The following IQCH variants were observed in gnomAD, a reference collection of about 807,000 sequenced individuals.
IQCH encodes the protein IQ motif containing H, also known as IQ domain-containing protein H.
A neutral mutation model predicts 117.0 loss-of-function variants in IQCH; 98 were observed. The ratio of observed to expected loss-of-function variants is 0.84; its 90% confidence interval spans 0.71 to 0.99. IQCH has a LOEUF of 0.99. IQCH is among the 50% of genes least tolerant of loss of function. IQCH has a pLI of 0.00. For synonymous variants in IQCH, 412 were observed against 448.2 expected, an observed-to-expected ratio of 0.92 and a Z score of 1.02; for missense variants, 1,102 against 1,243.8, an observed-to-expected ratio of 0.89 and a Z score of 1.72.
intron 13 of IQCH, among the ~76,000 whole-genome samples, chr15:67,397,140 T>G (rs1369648036): frequency 6.6e-6 from 1 of 152,246 alleles, no homozygotes; most frequent in Non-Finnish European, 1.5e-5. Context: ...TTAAATTATA[T>G]TATTACACAC....
chr15:67,477,010 G>T (rs1455490010), intron 18 of IQCH, among the ~76,000 whole-genome samples: 1 of 149,326 alleles, frequency 6.7e-6, no homozygotes, highest in Non-Finnish European at 1.5e-5. Context: ...AATTTTCAAG[G>T]ATCAAATTTT....
At chr15:67,321,436 TTTC>T (rs1230946377) in intron 4 of IQCH, among the ~76,000 whole-genome samples, 5 of 151,712 alleles carry the variant, frequency 3.3e-5, no homozygotes, top group Non-Finnish European at 5.9e-5. Flanking sequence ...CCTTCCTTCT[TTTC>T]TTTTCTTTCT....
intron 1 of IQCH, among the ~76,000 whole-genome samples, chr15:67,258,235 A>C (rs1965307174): frequency 7.1e-6 from 1 of 139,926 alleles, no homozygotes. Context: ...ACTCTGTGTC[A>C]AAAAAAAAAA....
At chr15:67,304,182 T>C (rs912391748) in intron 4 of IQCH, among the ~76,000 whole-genome samples, 7 of 152,190 alleles carry the variant, frequency 4.6e-5, no homozygotes, top group African/African-American at 7.2e-5. Flanking sequence ...AGGGACTGAT[T>C]AGCAGCCTAA....
In IQCH at chr15:67,393,581, C is replaced by A. The variant is rs187683529; in HGVS notation, c.1633-1710C>A. ...TGTCACCCAGGCTGGAGTGCAGTGGCATGATCTCGGTTCACTGCAGCCTTG... is the reference window on the plus strand; with the variant it reads ...TGTCACCCAGGCTGGAGTGCAGTGGAATGATCTCGGTTCACTGCAGCCTTG... On this transcript the variant is annotated intron_variant, in intron 12 of 20. Coordinates refer to ENST00000335894, the MANE Select transcript of IQCH (RefSeq NM_001031715.3). The surrounding 1 kb of genome is among the most constrained non-coding windows in gnomAD (Gnocchi z 5.5). Among the ~76,000 whole-genome samples the A allele has an allele frequency of 1.3e-5, 2 of 152,208 alleles. No homozygotes were observed. Among genetic ancestry groups the A allele is most frequent in the Admixed American group, 6.5e-5 (1 of 15,288 alleles).
chr15:67,498,920 C>T (rs2083900760), intron 20 of IQCH, among the ~76,000 whole-genome samples: 1 of 152,172 alleles, frequency 6.6e-6, no homozygotes, highest in Non-Finnish European at 1.5e-5. Flanking sequence ...ACAAAGTACT[C>T]TTGTACTCTT....
intron 16 of IQCH, among the ~76,000 whole-genome samples, chr15:67,452,566 G>C (rs1483441406): frequency 6.6e-6 from 1 of 152,232 alleles, no homozygotes; most frequent in Non-Finnish European, 1.5e-5. Context: ...ACTCTCTTCT[G>C]GCTTGTAGAG....
intron 1 of IQCH, 102 bp downstream of exon 1, chr15:67,255,049 C>G (rs952758190): frequency 2.7e-6 from 3 of 1,121,970 alleles, no homozygotes; most frequent in Non-Finnish European, 2.7e-6. Flanking sequence ...TGGTGCGCCG[C>G]CCCTAGACTC....
At chr15:67,308,710 G>A (rs181598162) in intron 4 of IQCH, among the ~76,000 whole-genome samples, 1 of 151,980 alleles carries the variant, frequency 6.6e-6, no homozygotes, top group African/African-American at 2.4e-5. Context: ...AGGTGGTAGT[G>A]TATTGCCTTT....
Position 67,463,692 on chromosome 15 carries a change from A to G in IQCH, c.2506-1435A>G, listed in dbSNP as rs2082858429. On this transcript the variant is annotated intron_variant, in intron 16 of 20. Transcript: ENST00000335894. The surrounding 1 kb of genome is among the most constrained non-coding windows in gnomAD (Gnocchi z 4.0). Reference sequence around the variant, plus strand: ...GTTGCTTGTTTAAAGCTCAAAGGTCACCTTCATGATGCAGCCCTGATTTCA... The same window carrying G: ...GTTGCTTGTTTAAAGCTCAAAGGTCGCCTTCATGATGCAGCCCTGATTTCA... 6.6e-6 allele frequency among the ~76,000 whole-genome samples: 1 copy of G among 152,190 alleles called. No individual in the cohort carries two copies. Among genetic ancestry groups the G allele is most frequent in the Admixed American group, 6.5e-5 (1 of 15,274 alleles).
chr15:67,338,930 C>T (rs1350878947), intron 5 of IQCH, among the ~76,000 whole-genome samples: 2 of 152,158 alleles, frequency 1.3e-5, no homozygotes, highest in Non-Finnish European at 2.9e-5. Context: ...AGGCCAAGCA[C>T]ATTTGCAGAT....
intron 4 of IQCH, among the ~76,000 whole-genome samples, chr15:67,305,584 C>T (rs1241286570): frequency 3.3e-5 from 5 of 152,106 alleles, no homozygotes; most frequent in Admixed American, 6.6e-5. Context: ...TCTCTGGCAA[C>T]ACAGACAGAA....
rs547775525 is a variant in IQCH, at chr15:67,450,818, C to T, written c.2506-14309C>T. Among the ~76,000 whole-genome samples the T allele has an allele frequency of 4.0e-3, 605 of 151,784 alleles. 3 individuals carry two copies. Among genetic ancestry groups the T allele is most frequent in the African/African-American group, 0.014 (583 of 41,426 alleles). The stretch of plus-strand genomic sequence containing the variant: ...GAATGGTACCAGCTCCTCTTTGTAC[C>T]GCTGGTAGAATTCGGCTGTGAATCC... On this transcript the variant is annotated intron_variant, in intron 16 of 20. Coordinates refer to ENST00000335894, the MANE Select transcript of IQCH (RefSeq NM_001031715.3).
At chr15:67,260,950 G>T (rs1318620550) in intron 1 of IQCH, among the ~76,000 whole-genome samples, 1 of 152,020 alleles carries the variant, frequency 6.6e-6, no homozygotes, top group African/African-American at 2.4e-5. Flanking sequence ...ACAAAAATTA[G>T]CCGGGTGTGG....
Position 67,366,084 on chromosome 15 carries a change from G to A in IQCH, c.754-6027G>A, listed in dbSNP as rs1970322685. 6.6e-6 allele frequency among the ~76,000 whole-genome samples: 1 copy of A among 152,192 alleles called. No individual in the cohort carries two copies. Among genetic ancestry groups the A allele is most frequent in the South Asian group, 2.1e-4 (1 of 4,830 alleles). On this transcript the variant is annotated intron_variant, in intron 8 of 20. Transcript: ENST00000335894. This position sits in a 1 kb window ranked among gnomAD's most constrained non-coding sequence, Gnocchi z 4.4. ...ATGGAATGTCAAGCTTTACTTTGGT[G>A]ATAATAGCAGTCCTTTTTGAGGCTT... is the stretch of plus-strand genomic sequence containing the variant.
In IQCH at chr15:67,426,893, G is replaced by C. The variant is rs185571648; in HGVS notation, c.2505+5316G>C. ...TCCAGCTATTTGAGAGGCTGAGGTA[G>C]GAGGATTGCTTGGGCCCGGGAGGTC... On this transcript the variant is annotated intron_variant, in intron 16 of 20. Coordinates refer to ENST00000335894, the MANE Select transcript of IQCH (RefSeq NM_001031715.3). This position sits in a 1 kb window ranked among gnomAD's most constrained non-coding sequence, Gnocchi z 5.1. Among the ~76,000 whole-genome samples, 1 of 152,062 alleles carries C rather than the reference G, an allele frequency of 6.6e-6. No homozygotes were observed. Among genetic ancestry groups the C allele is most frequent in the East Asian group, 1.9e-4 (1 of 5,158 alleles).
chr15:67,307,120 A>C, intron 4 of IQCH: 1 of 1,141,106 alleles, frequency 8.8e-7, no homozygotes, highest in Admixed American at 4.6e-5. Flanking sequence ...CCTAGAAAAA[A>C]ATCATAAAAA....
rs2081436285 is a variant in IQCH at position 67,411,030 on chromosome 15, C to T, written c.2098-5901C>T. 6.6e-6 allele frequency among the ~76,000 whole-genome samples: 1 copy of T among 152,192 alleles called. No homozygotes were observed. The highest frequency in any genetic ancestry group is 2.1e-4 in the South Asian group (1 of 4,820). On this transcript the variant is annotated intron_variant, in intron 14 of 20. Coordinates refer to ENST00000335894, the MANE Select transcript of IQCH (RefSeq NM_001031715.3). This position sits in a 1 kb window ranked among gnomAD's most constrained non-coding sequence, Gnocchi z 4.4. Reference sequence around the variant, plus strand: ...TAATAAATGTAAACCACCCCCACCCCACCCCTGCACATGCCTACCATATGG... The same window carrying T: ...TAATAAATGTAAACCACCCCCACCCTACCCCTGCACATGCCTACCATATGG...
chr15:67,418,554 A>ACAC (rs1393744743), intron 15 of IQCH, among the ~76,000 whole-genome samples: 3 of 28,398 alleles, frequency 1.1e-4, no homozygotes, highest in Non-Finnish European at 1.8e-4. Context: ...CACACACACA[A>ACAC]GATCAATAAT....
Sources: allele counts gnomAD v4.1 joint callset (sites outside exome capture counted in the v4.1 genomes callset), GRCh38; gene constraint gnomAD v4.1.1; non-coding constraint Gnocchi (gnomAD v3.1); transcripts MANE v1.5; gene names NCBI Gene and HGNC (gene_info 2026-07-23, HGNC 2026-07-21).